ATP10B: variants seen among roughly 807,000 people sequenced by gnomAD.
ATP10B encodes phospholipid-transporting ATPase VB.
Under a neutral mutation model 141.2 loss-of-function variants are expected in ATP10B, and 122 were observed. The observed-to-expected ratio is 0.86, with a 90% CI of 0.75 to 1.00. ATP10B has a LOEUF of 1.00. ATP10B is among the 50% of genes least tolerant of loss of function. ATP10B has a pLI of 0.00. For synonymous variants in ATP10B, 685 were observed against 692.0 expected (o/e 0.99, Z 0.16); for missense variants, 1,876 against 1,825.3 (o/e 1.03, Z -0.51).
chr5:160,640,876 C>T (rs1397373208), intron 9 of ATP10B, among the ~76,000 whole-genome samples: 1 of 152,188 alleles, frequency 6.6e-6, no homozygotes, highest in Non-Finnish European at 1.5e-5. Context: ...GAGCGTAGCC[C>T]TCATTCTGTA....
At chr5:160,897,793 C>T in the ATP10B span, among the ~76,000 whole-genome samples, 1 of 152,204 alleles carries the variant, frequency 6.6e-6, no homozygotes, top group Non-Finnish European at 1.5e-5. Flanking sequence ...TCAAACTATA[C>T]TACAAGGCTA....
chr5:160,785,658 G>A lies in ATP10B; in HGVS notation c.-430C>T. 1 of 1,285,748 alleles carries A rather than the reference G, an allele frequency of 7.8e-7. No homozygotes were observed. The highest frequency in any genetic ancestry group is 1.5e-5 in the African/African-American group (1 of 65,800). The allele number at this position is 1,285,748 out of a possible 1,614,324, so 79.6% of individuals were successfully genotyped here. A position where few individuals can be genotyped will look rare whatever the true frequency, so the allele number is the denominator to read the frequency against. On this transcript the variant is annotated 5_prime_UTR_variant, in exon 2 of 26. Transcript: ENST00000327245. ...ATCTTTGTGTCCATGTGTAAGAAAT[G>A]GTAGTTTCTCATCTTGGCAGTGGAG...
chr5:160,633,087 T>C (rs1759056085), intron 12 of ATP10B: 1 of 152,234 alleles, frequency 6.6e-6, no homozygotes, highest in Non-Finnish European at 1.5e-5. Context: ...GAAGAGGATG[T>C]AGAGAAACAG....
At chr5:160,878,866 C>A in the ATP10B span, among the ~76,000 whole-genome samples, 1 of 148,994 alleles carries the variant, frequency 6.7e-6, no homozygotes, top group African/African-American at 2.5e-5. Context: ...GAATGGCAAT[C>A]ATTAAAAAGT....
intron 3 of ATP10B, among the ~76,000 whole-genome samples, chr5:160,705,691 A>G (rs990423705): frequency 1.3e-5 from 2 of 152,208 alleles, no homozygotes; most frequent in Non-Finnish European, 2.9e-5. Context: ...ATCCAGCTCT[A>G]TAAAACTTTC....
chr5:160,891,504 G>C, the ATP10B span, among the ~76,000 whole-genome samples: 4 of 152,208 alleles, frequency 2.6e-5, no homozygotes, highest in Non-Finnish European at 2.9e-5. Flanking sequence ...CACCCAGGCT[G>C]GAGTGCAGTG....
chr5:160,832,318 G>A (rs557758990), intron 1 of ATP10B, among the ~76,000 whole-genome samples: 27 of 152,152 alleles, frequency 1.8e-4, no homozygotes, highest in African/African-American at 6.5e-4. Flanking sequence ...ATGTCCATCA[G>A]TAAGAAATTG....
chr5:160,882,395 T>C, the ATP10B span, among the ~76,000 whole-genome samples: 980 of 152,238 alleles, frequency 6.4e-3, 13 homozygotes, highest in African/African-American at 0.023. Context: ...TCCTCTCAAC[T>C]TTGCTGTGAA....
chr5:160,608,400 A>T (rs969004858), intron 18 of ATP10B, among the ~76,000 whole-genome samples: 8 of 152,080 alleles, frequency 5.3e-5, no homozygotes, highest in African/African-American at 1.9e-4. Flanking sequence ...ATATATGCAT[A>T]TGTCTTTATA....
the ATP10B span, among the ~76,000 whole-genome samples, chr5:160,892,009 T>G: frequency 1.3e-5 from 2 of 152,190 alleles, no homozygotes; most frequent in Non-Finnish European, 2.9e-5. Context: ...CATTTGTTAT[T>G]TTTCTCCAAG....
At chr5:160,650,869 C>G (rs1323200615) in intron 7 of ATP10B, among the ~76,000 whole-genome samples, 1 of 152,180 alleles carries the variant, frequency 6.6e-6, no homozygotes, top group East Asian at 1.9e-4. Flanking sequence ...CCCAATTCAT[C>G]TGCATCTTGT....
chr5:160,872,944 A>G, the ATP10B span, among the ~76,000 whole-genome samples: 3 of 152,118 alleles, frequency 2.0e-5, no homozygotes, highest in South Asian at 4.1e-4. Flanking sequence ...ATTGCATTGA[A>G]TTTCTAAATT....
intron 13 of ATP10B, among the ~76,000 whole-genome samples, chr5:160,627,092 C>G (rs144366841): frequency 0.015 from 2,259 of 152,254 alleles, 27 homozygotes; most frequent in Middle Eastern, 0.075. Context: ...AGATTGTCTC[C>G]TCTCACAACC....
At chr5:160,789,405 G>A (rs1771406569) in intron 1 of ATP10B, among the ~76,000 whole-genome samples, 2 of 152,106 alleles carry the variant, frequency 1.3e-5, no homozygotes, top group African/African-American at 4.8e-5. Flanking sequence ...AACCTACTGT[G>A]ACTAGACTAC....
chr5:160,782,890 C>T (rs1770821297), intron 2 of ATP10B, among the ~76,000 whole-genome samples: 1 of 152,008 alleles, frequency 6.6e-6, no homozygotes, highest in African/African-American at 2.4e-5. Flanking sequence ...CACTATGTAA[C>T]ATTGTATTCA....
At chr5:160,570,504 T>G (rs1754807847) in intron 24 of ATP10B, among the ~76,000 whole-genome samples, 1 of 152,176 alleles carries the variant, frequency 6.6e-6, no homozygotes, top group Non-Finnish European at 1.5e-5. Context: ...ACAAGCAAAC[T>G]TACTGCAGTC....
chr5:160,689,899 GGCAATCCTAA>G (rs1226277942), intron 3 of ATP10B, among the ~76,000 whole-genome samples: 1 of 151,878 alleles, frequency 6.6e-6, no homozygotes, highest in Non-Finnish European at 1.5e-5. Flanking sequence ...ATATAGCCAA[GGCAATCCTAA>G]GCAAAAAAAG....
chr5:160,862,876 A>G, the ATP10B span, among the ~76,000 whole-genome samples: 3 of 152,002 alleles, frequency 2.0e-5, no homozygotes, highest in African/African-American at 7.2e-5. Flanking sequence ...GATAGAAAAT[A>G]TATCTTACCT....
intron 1 of ATP10B, among the ~76,000 whole-genome samples, chr5:160,817,205 G>T (rs1306649153): frequency 2.0e-5 from 3 of 152,210 alleles, no homozygotes; most frequent in Non-Finnish European, 2.9e-5. Context: ...AAAAGAGGAA[G>T]TCAAATGGTC....
Sources: allele counts gnomAD v4.1 joint callset (sites outside exome capture counted in the v4.1 genomes callset), GRCh38; gene constraint gnomAD v4.1.1; transcripts MANE v1.5; gene names NCBI Gene and HGNC (gene_info 2026-07-23, HGNC 2026-07-21).